The following CPNE5 variants were observed in gnomAD, a reference collection of about 807,000 sequenced individuals.
CPNE5 encodes the protein copine 5.
CPNE5 carries 42 observed loss-of-function variants against 81.1 expected under a neutral mutation model. The observed-to-expected ratio is 0.52, with a 90% CI of 0.40 to 0.67. The LOEUF (loss-of-function observed/expected upper bound fraction) is 0.67. Ranked by LOEUF, CPNE5 falls within the 30% of genes least tolerant of loss-of-function variation. The probability of loss-of-function intolerance (pLI) is 0.00; values close to 1 mark genes in which losing one functional copy is unlikely to be tolerated. For missense variants in CPNE5, 612 were observed against 815.5 expected (o/e 0.75, Z 3.04); for synonymous variants, 313 against 321.5 (o/e 0.97, Z 0.28).
chr6:36,744,159 T>G, intron 19 of CPNE5, 109 bp downstream of exon 19: 1 of 915,400 alleles, frequency 1.1e-6, no homozygotes, highest in Non-Finnish European at 1.8e-6. Flanking sequence ...CTCACTCTTT[T>G]GGGAGGGGTC....
At chr6:36,837,465 C>G (rs1384642413) in intron 1 of CPNE5, among the ~76,000 whole-genome samples, 1 of 152,216 alleles carries the variant, frequency 6.6e-6, no homozygotes, top group Non-Finnish European at 1.5e-5. Context: ...GGGTCTGACT[C>G]AGGGTGGGAA....
At chr6:36,768,827 G>T (rs537259487) in intron 10 of CPNE5, among the ~76,000 whole-genome samples, 25 of 152,350 alleles carry the variant, frequency 1.6e-4, no homozygotes, top group African/African-American at 5.8e-4. Context: ...CTTCGGCTGT[G>T]GGGTGAGCAG....
intron 8 of CPNE5, among the ~76,000 whole-genome samples, chr6:36,780,433 C>T (rs1372810695): frequency 6.6e-6 from 1 of 152,204 alleles, no homozygotes; most frequent in East Asian, 1.9e-4. Context: ...AGCCAGGCTG[C>T]CTACTTCAGT....
rs768599018 is a variant in CPNE5, at chr6:36,745,104, T to C, written c.1375A>G (p.Ile459Val). 6.2e-7 allele frequency: 1 copy of C among 1,614,116 alleles called. No homozygotes were observed. The highest frequency in any genetic ancestry group is 8.5e-7 in the Non-Finnish European group (1 of 1,179,986). Reference protein sequence around the residue: ...QDGSQYSVLLIITDGVISDMA... With the variant: ...QDGSQYSVLLVITDGVISDMA... ...TCCGAGATGACCCCATCAGTAATGATGAGCAGCACCGAGTACTGGGAGCCA... is the reference window on the plus strand; with the variant it reads ...TCCGAGATGACCCCATCAGTAATGACGAGCAGCACCGAGTACTGGGAGCCA... The change falls in exon 18 of 21, where the codon ATC (isoleucine) becomes GTC (valine). Residue 459 changes from isoleucine (I) to valine (V), a missense_variant. Transcript: ENST00000244751.
At position 36,763,578 on chromosome 6, in the gene CPNE5, G is replaced by C. The variant is rs558793722; in HGVS notation, c.780-586C>G. On this transcript the variant is annotated intron_variant, in intron 11 of 20. Transcript: ENST00000244751. ...AGATTGTGTCACTGCACTCCAGCCTGGGCAACAGAGCGAGACTCTATCTCA... is the reference window on the plus strand; with the variant it reads ...AGATTGTGTCACTGCACTCCAGCCTCGGCAACAGAGCGAGACTCTATCTCA... Among the ~76,000 whole-genome samples, 17 of 146,606 alleles carry C rather than the reference G, an allele frequency of 1.2e-4. 1 individual carries two copies. The South Asian group carries it at 3.5e-3, about 30-fold the overall frequency.
At chr6:36,796,051 C>T (rs550933851) in intron 6 of CPNE5, among the ~76,000 whole-genome samples, 67 of 152,168 alleles carry the variant, frequency 4.4e-4, no homozygotes, top group African/African-American at 1.5e-3. Context: ...TGGGTTCAAG[C>T]GATTCTCCTG....
chr6:36,808,444 C>G (rs1582966062), intron 3 of CPNE5, among the ~76,000 whole-genome samples: 1 of 152,132 alleles, frequency 6.6e-6, no homozygotes, highest in East Asian at 1.9e-4. Context: ...TCATCACCCA[C>G]CAGCTGGGAG....
chr6:36,800,125 T>G (rs1582935705), intron 3 of CPNE5, 55 bp from the exon 4 acceptor site: 2 of 1,330,412 alleles, frequency 1.5e-6, no homozygotes, highest in Non-Finnish European at 1.1e-6. Context: ...GGCCGGCTGG[T>G]GGGGCAGGGG....
At chr6:36,824,343 C>T (rs1043201983) in intron 1 of CPNE5, among the ~76,000 whole-genome samples, 2 of 152,272 alleles carry the variant, frequency 1.3e-5, no homozygotes, top group Admixed American at 1.3e-4. Context: ...CCCCAGGGGC[C>T]GCCAGGAGAC....
At chr6:36,788,384 C>A (rs1266202645) in intron 8 of CPNE5, among the ~76,000 whole-genome samples, 1 of 152,136 alleles carries the variant, frequency 6.6e-6, no homozygotes, top group African/African-American at 2.4e-5. Context: ...AGTAGCCCCA[C>A]AAGGGACAGA....
At chr6:36,802,825 G>C (rs1003950881) in intron 3 of CPNE5, among the ~76,000 whole-genome samples, 1 of 152,052 alleles carries the variant, frequency 6.6e-6, no homozygotes, top group African/African-American at 2.4e-5. Flanking sequence ...TGAGGCGGGC[G>C]GATCACTTGA....
chr6:36,838,196 TG>T (rs1207080550), intron 1 of CPNE5, among the ~76,000 whole-genome samples: 3 of 152,142 alleles, frequency 2.0e-5, no homozygotes, highest in Non-Finnish European at 4.4e-5. Context: ...AATACAGGAC[TG>T]GGGGGCAACA....
At chr6:36,792,468 G>A in intron 7 of CPNE5, 1 of 1,183,346 alleles carries the variant, frequency 8.5e-7, no homozygotes, top group Non-Finnish European at 1.1e-6. Flanking sequence ...AGACCTCATG[G>A]GCTAGCCACC....
rs139965101 is a variant in CPNE5 at position 36,825,601 on chromosome 6, G to A, written c.96-2503C>T. Among the ~76,000 whole-genome samples the A allele has an allele frequency of 7.0e-4, 106 of 152,334 alleles. 2 individuals carry two copies. The East Asian group carries it at 0.018, about 26-fold the overall frequency. ...TAAACCTCCCAGCCCTCCACAGAGA[G>A]CATCAGATGAACGATAAACAAGGCA... On this transcript the variant is annotated intron_variant, in intron 1 of 20. Coordinates refer to ENST00000244751, the MANE Select transcript of CPNE5 (RefSeq NM_020939.2).
intron 10 of CPNE5, among the ~76,000 whole-genome samples, chr6:36,771,660 C>T (rs1476252794): frequency 2.6e-5 from 4 of 152,152 alleles, no homozygotes; most frequent in East Asian, 3.9e-4. Context: ...TTGGAAGACA[C>T]GGCTGCTGAA....
intron 6 of CPNE5, among the ~76,000 whole-genome samples, chr6:36,796,160 G>T (rs1042067723): frequency 6.6e-6 from 1 of 152,122 alleles, no homozygotes; most frequent in African/African-American, 2.4e-5. Context: ...TGTTGGTCAG[G>T]CTGGTCTCAA....
intron 3 of CPNE5, among the ~76,000 whole-genome samples, chr6:36,810,583 C>G (rs1205506814): frequency 6.6e-6 from 1 of 152,140 alleles, no homozygotes; most frequent in African/African-American, 2.4e-5. Flanking sequence ...GATCTGGGGA[C>G]AGGAAAGGAG....
intron 20 of CPNE5, chr6:36,743,321 A>G (rs1368459956): frequency 1.3e-6 from 1 of 783,474 alleles, no homozygotes; most frequent in Non-Finnish European, 1.5e-6. Flanking sequence ...AGCAATGCCT[A>G]TTCTTGGAGA....
At chr6:36,787,408 G>A (rs1768659942) in intron 8 of CPNE5, among the ~76,000 whole-genome samples, 1 of 152,008 alleles carries the variant, frequency 6.6e-6, no homozygotes, top group Non-Finnish European at 1.5e-5. Flanking sequence ...CTTTGCACTG[G>A]CTGTTCTGTC....
Sources: gnomAD v4.1 joint callset for allele counts (sites outside exome capture counted in the v4.1 genomes callset) on GRCh38, gnomAD v4.1.1 for gene constraint, MANE v1.5 for transcripts, NCBI Gene and HGNC (gene_info 2026-07-23, HGNC 2026-07-21) for gene names.